The following FHIT variants were observed in gnomAD, a reference collection of about 807,000 sequenced individuals.
FHIT encodes bis(5'-adenosyl)-triphosphatase.
Under a neutral mutation model 17.9 loss-of-function variants are expected in FHIT, and 19 were observed. The ratio of observed to expected loss-of-function variants is 1.06; its 90% CI spans 0.74 to 1.56. The LOEUF (loss-of-function observed/expected upper bound fraction) is 1.56, where lower values mean the gene tolerates loss of function less well. Among genes scored for constraint, FHIT ranks in the 40% most tolerant of loss-of-function variants. FHIT has a pLI of 0.00. For missense variants in FHIT, 248 were observed against 189.2 expected (o/e 1.31, Z -1.82); for synonymous variants, 81 against 69.7 (o/e 1.16, Z -0.81).
chr3:60,064,407 G>A (rs1327949059), intron 5 of FHIT, among the ~76,000 whole-genome samples: 1 of 152,114 alleles, frequency 6.6e-6, no homozygotes, highest in Non-Finnish European at 1.5e-5. Context: ...CTCATACCTT[G>A]TCCACCACTG....
At chr3:60,284,790 AAGCTAACAGT>A (rs1175636624) in intron 5 of FHIT, among the ~76,000 whole-genome samples, 1 of 152,122 alleles carries the variant, frequency 6.6e-6, no homozygotes, top group Admixed American at 6.5e-5. Flanking sequence ...CTAGGAAATA[AAGCTAACAGT>A]AGTGGTAGCA....
At chr3:60,047,725 A>C (rs1701708760) in intron 5 of FHIT, among the ~76,000 whole-genome samples, 1 of 151,958 alleles carries the variant, frequency 6.6e-6, no homozygotes, top group African/African-American at 2.4e-5. Context: ...CTCCCCAATA[A>C]CTCTACGAGG....
At chr3:61,048,984 G>A (rs2033922651) in intron 2 of FHIT, among the ~76,000 whole-genome samples, 1 of 151,968 alleles carries the variant, frequency 6.6e-6, no homozygotes, top group African/African-American at 2.4e-5. Flanking sequence ...GTGGGGTTGG[G>A]GGAGTGGGGA....
At chr3:60,687,780 C>T (rs960488710) in intron 4 of FHIT, among the ~76,000 whole-genome samples, 1 of 152,004 alleles carries the variant, frequency 6.6e-6, no homozygotes, top group Admixed American at 6.6e-5. Flanking sequence ...ATTCTACTTC[C>T]ATCAATTTTT....
chr3:60,437,587 C>T (rs554224805), intron 5 of FHIT, among the ~76,000 whole-genome samples: 1 of 152,120 alleles, frequency 6.6e-6, no homozygotes, highest in African/African-American at 2.4e-5. Context: ...AATGATCAAC[C>T]CTATAAGCTG....
At chr3:60,438,234 C>A (rs368713578) in intron 5 of FHIT, among the ~76,000 whole-genome samples, 1 of 152,020 alleles carries the variant, frequency 6.6e-6, no homozygotes, top group South Asian at 2.1e-4. Context: ...CAGACTGACC[C>A]TGTGCTGATG....
At chr3:60,420,008 T>C (rs1334834823) in intron 5 of FHIT, among the ~76,000 whole-genome samples, 1 of 152,130 alleles carries the variant, frequency 6.6e-6, no homozygotes, top group African/African-American at 2.4e-5. Context: ...CTAGTCCTTA[T>C]AAATGTACAT....
At chr3:59,750,077 A>T in intron 9 of FHIT, 1 of 225,456 alleles carries the variant, frequency 4.4e-6, no homozygotes, top group Non-Finnish European at 8.8e-6. Context: ...TAGGGTAAAT[A>T]TCTTTCTGGT....
intron 2 of FHIT, among the ~76,000 whole-genome samples, chr3:61,045,941 C>T (rs767727905): frequency 7.9e-5 from 12 of 152,042 alleles, no homozygotes; most frequent in East Asian, 5.8e-4. Flanking sequence ...TTGAAACCAA[C>T]GAGAACAAAG....
intron 5 of FHIT, among the ~76,000 whole-genome samples, chr3:60,178,774 A>G (rs1342329420): frequency 1.3e-5 from 2 of 152,208 alleles, no homozygotes; most frequent in African/African-American, 4.8e-5. Context: ...CACAGATCAA[A>G]TAAGGTAGGG....
At chr3:61,200,814 C>A (rs1056262204) in intron 1 of FHIT, 149 bp from the exon 2 acceptor site, 1 of 152,156 alleles carries the variant, frequency 6.6e-6, no homozygotes, top group African/African-American at 2.4e-5. Context: ...TCATACCTCC[C>A]GCACAAGAGG....
At chr3:59,957,522 T>A (rs752588432) in intron 7 of FHIT, among the ~76,000 whole-genome samples, 1 of 152,234 alleles carries the variant, frequency 6.6e-6, no homozygotes. Context: ...GATGAGTGAA[T>A]GGATGAATGT....
intron 2 of FHIT, among the ~76,000 whole-genome samples, chr3:61,130,722 T>G (rs1389775998): frequency 6.6e-6 from 1 of 152,076 alleles, no homozygotes; most frequent in Non-Finnish European, 1.5e-5. Context: ...CAAAGTGAGT[T>G]TGAAATACAT....
At chr3:60,479,665 G>T (rs548271315) in intron 5 of FHIT, among the ~76,000 whole-genome samples, 1 of 152,292 alleles carries the variant, frequency 6.6e-6, no homozygotes, top group East Asian at 1.9e-4. Flanking sequence ...GGTGAGCAGT[G>T]GGTGAGTGAG....
intron 2 of FHIT, among the ~76,000 whole-genome samples, chr3:61,073,957 G>T (rs975106441): frequency 6.6e-6 from 1 of 152,152 alleles, no homozygotes; most frequent in East Asian, 1.9e-4. Context: ...CAAAGCAGCG[G>T]TTTATTCTTG....
At chr3:60,354,379 G>C (rs1182121053) in intron 5 of FHIT, among the ~76,000 whole-genome samples, 1 of 151,996 alleles carries the variant, frequency 6.6e-6, no homozygotes, top group Non-Finnish European at 1.5e-5. Flanking sequence ...CCAAGGCATA[G>C]GATTTGAAGG....
At chr3:59,776,274 G>A (rs1006105428) in intron 8 of FHIT, among the ~76,000 whole-genome samples, 22 of 152,190 alleles carry the variant, frequency 1.4e-4, no homozygotes, top group African/African-American at 5.1e-4. Context: ...ATGGGCTGTG[G>A]CTTGCACGTA....
At chr3:60,566,409 C>G (rs6446136) in intron 4 of FHIT, among the ~76,000 whole-genome samples, 2 of 151,860 alleles carry the variant, frequency 1.3e-5, no homozygotes, top group Non-Finnish European at 2.9e-5. Context: ...AATTCAACAA[C>G]GCTTCATGCT....
intron 4 of FHIT, among the ~76,000 whole-genome samples, chr3:60,627,122 T>G (rs1218917183): frequency 2.0e-5 from 3 of 152,156 alleles, no homozygotes; most frequent in Non-Finnish European, 2.9e-5. Context: ...TCTGTATTGA[T>G]AAGATATTGG....
Sources: gnomAD v4.1 joint callset for allele counts (sites outside exome capture counted in the v4.1 genomes callset) on GRCh38, gnomAD v4.1.1 for gene constraint, MANE v1.5 for transcripts, NCBI Gene and HGNC (gene_info 2026-07-23, HGNC 2026-07-21) for gene names.